Variants in SAMD4A observed in about 807,000 individuals in gnomAD.
SAMD4A encodes sterile alpha motif domain containing 4A.
In SAMD4A, 33 loss-of-function variants were observed where a neutral mutation model predicts 81.3. The ratio of observed to expected loss-of-function variants is 0.41; its 90% CI spans 0.31 to 0.54. The LOEUF (loss-of-function observed/expected upper bound fraction) is 0.54. SAMD4A is among the 20% of genes least tolerant of loss of function. SAMD4A has a pLI of 0.37. For missense variants in SAMD4A, 854 were observed against 951.1 expected, an observed-to-expected ratio of 0.90 and a Z score of 1.34; for synonymous variants, 389 against 382.1, an observed-to-expected ratio of 1.02 and a Z score of -0.21.
intron 11 of SAMD4A, among the ~76,000 whole-genome samples, chr14:54,779,522 A>C (rs2038945646): frequency 2.6e-5 from 4 of 152,168 alleles, no homozygotes. Flanking sequence ...TCATACAGAG[A>C]AGACAGAGGG....
intron 5 of SAMD4A, among the ~76,000 whole-genome samples, chr14:54,749,890 G>A (rs992743501): frequency 6.6e-6 from 1 of 152,204 alleles, no homozygotes; most frequent in Non-Finnish European, 1.5e-5. Context: ...CCTCCCCGCA[G>A]ATCACCAGTT....
At chr14:54,650,404 G>A (rs977914730) in intron 2 of SAMD4A, among the ~76,000 whole-genome samples, 11 of 152,116 alleles carry the variant, frequency 7.2e-5, no homozygotes, top group Admixed American at 1.3e-4. Flanking sequence ...TGCATTTGTT[G>A]GAATGGCCCA....
intron 3 of SAMD4A, among the ~76,000 whole-genome samples, chr14:54,709,298 CAAAA>C (rs988222051): frequency 7.6e-6 from 1 of 131,250 alleles, no homozygotes; most frequent in Non-Finnish European, 1.5e-5. Flanking sequence ...AACAAACAAA[CAAAA>C]AACAGAAGAA....
Position 54,590,986 on chromosome 14 carries a change from T to G in SAMD4A, c.196+22874T>G, listed in dbSNP as rs193112167. Among the ~76,000 whole-genome samples, 3 of 152,324 alleles carry G rather than the reference T, an allele frequency of 2.0e-5. No homozygotes were observed. In the East Asian group the frequency reaches 5.8e-4, roughly 29 times the overall value. On this transcript the variant is annotated intron_variant, in intron 2 of 12. Transcript: ENST00000554335. ...ATCAGAGTTTCTTATCTCAGACTTT[T>G]CCCCTCAATTGCTGAAGCAGCTTGT...
At chr14:54,775,445 G>A (rs2038818187) in intron 10 of SAMD4A, among the ~76,000 whole-genome samples, 1 of 152,204 alleles carries the variant, frequency 6.6e-6, no homozygotes, top group Admixed American at 6.5e-5. Flanking sequence ...ACCCAAATCT[G>A]GGTTCCAGGA....
intron 11 of SAMD4A, among the ~76,000 whole-genome samples, chr14:54,778,786 C>T (rs2038927017): frequency 6.6e-6 from 1 of 152,110 alleles, no homozygotes; most frequent in Non-Finnish European, 1.5e-5. Flanking sequence ...TAAGTCCTGC[C>T]CAGCACGCTC....
At chr14:54,702,755 G>A in intron 3 of SAMD4A, 175 bp downstream of exon 3, 1 of 731,540 alleles carries the variant, frequency 1.4e-6, no homozygotes, top group Non-Finnish European at 2.2e-6. Context: ...CTTTGACTCT[G>A]CAAAGATGAA....
intron 5 of SAMD4A, among the ~76,000 whole-genome samples, chr14:54,750,228 T>G (rs1166555623): frequency 6.6e-6 from 1 of 152,202 alleles, no homozygotes; most frequent in Non-Finnish European, 1.5e-5. Flanking sequence ...TCAGAGTAAT[T>G]TAATTCACTA....
chr14:54,649,878 T>C (rs1463180656), intron 2 of SAMD4A, among the ~76,000 whole-genome samples: 1 of 152,266 alleles, frequency 6.6e-6, no homozygotes, highest in Non-Finnish European at 1.5e-5. Flanking sequence ...ACATGTCATA[T>C]TTCATATTTT....
At chr14:54,786,529 G>A (rs1184615330) in intron 12 of SAMD4A, among the ~76,000 whole-genome samples, 1 of 152,234 alleles carries the variant, frequency 6.6e-6, no homozygotes, top group Non-Finnish European at 1.5e-5. Context: ...AGTCCCCTGA[G>A]CTGGCACCTG....
At chr14:54,730,941 C>T (rs1443630887) in intron 3 of SAMD4A, among the ~76,000 whole-genome samples, 2 of 152,150 alleles carry the variant, frequency 1.3e-5, no homozygotes, top group Non-Finnish European at 1.5e-5. Flanking sequence ...ATCATTTCAC[C>T]ACTGAGCCTT....
rs184720135 is a variant in SAMD4A at position 54,595,083 on chromosome 14, C to T, written c.196+26971C>T. On this transcript the variant is annotated intron_variant, in intron 2 of 12. Coordinates refer to ENST00000554335, the MANE Select transcript of SAMD4A (RefSeq NM_015589.6). The stretch of plus-strand genomic sequence containing the variant: ...ACAAACTTATAAAACTTGCCCCTGT[C>T]GTTCTTTGGTGTGTCGCAAATGCTT... Among the ~76,000 whole-genome samples, 628 of 152,292 alleles carry T rather than the reference C, an allele frequency of 4.1e-3. 6 individuals carry two copies. The highest frequency in any genetic ancestry group is 0.014 in the African/African-American group (567 of 41,554).
At position 54,702,272 on chromosome 14, in the gene SAMD4A, C is replaced by T. The variant is rs760281497; in HGVS notation, c.407C>T (p.Ser136Leu). 143 of 1,614,052 alleles carry T rather than the reference C, an allele frequency of 8.9e-5. 1 individual carries two copies. Among genetic ancestry groups the T allele is most frequent in the Non-Finnish European group, 1.1e-4 (131 of 1,180,020 alleles). Residue 136 changes from serine (S) to leucine (L), a missense_variant, in exon 3 of 13, where the codon TCG becomes TTG. Ser to Leu is a moderately radical substitution (Grantham distance 145, BLOSUM62 -2). Coordinates refer to ENST00000554335, the MANE Select transcript of SAMD4A (RefSeq NM_015589.6). ...LSYALIHPAT[S>L]LEDRSALAMW... Reference sequence around the variant, plus strand: ...TATGCTTTGATACATCCAGCCACTTCGTTAGAAGACCGTAGTGCTTTAGCC... The same window carrying T: ...TATGCTTTGATACATCCAGCCACTTTGTTAGAAGACCGTAGTGCTTTAGCC...
chr14:54,568,383 G>T (rs1172680259), intron 2 of SAMD4A, among the ~76,000 whole-genome samples: 2 of 151,864 alleles, frequency 1.3e-5, no homozygotes, highest in Non-Finnish European at 2.9e-5. Flanking sequence ...ATGAATGATT[G>T]ATTTTTCTCT....
chr14:54,604,919 T>G (rs1436947796), intron 2 of SAMD4A, among the ~76,000 whole-genome samples: 1 of 152,220 alleles, frequency 6.6e-6, no homozygotes, highest in African/African-American at 2.4e-5. Context: ...TTTAACTTAT[T>G]GGATTTGTGC....
intron 6 of SAMD4A, among the ~76,000 whole-genome samples, chr14:54,753,514 C>A (rs1326792093): frequency 1.3e-5 from 2 of 152,216 alleles, no homozygotes; most frequent in Non-Finnish European, 2.9e-5. Flanking sequence ...AACAACATCT[C>A]AGCAAAGCAA....
chr14:54,571,807 G>A (rs937665303), intron 2 of SAMD4A, among the ~76,000 whole-genome samples: 1 of 152,110 alleles, frequency 6.6e-6, no homozygotes, highest in African/African-American at 2.4e-5. Flanking sequence ...GTGTATTGGA[G>A]GTAACATATT....
chr14:54,682,519 C>T (rs1463722321), intron 2 of SAMD4A, among the ~76,000 whole-genome samples: 1 of 152,232 alleles, frequency 6.6e-6, no homozygotes, highest in Non-Finnish European at 1.5e-5. Flanking sequence ...TGACATTTCC[C>T]AGTTCCTGAT....
At chr14:54,637,466 G>A (rs1483115407) in intron 2 of SAMD4A, among the ~76,000 whole-genome samples, 2 of 152,048 alleles carry the variant, frequency 1.3e-5, no homozygotes, top group Non-Finnish European at 2.9e-5. Flanking sequence ...CCAGGAGAGG[G>A]TGGAGCTCTA....
Sources: allele counts gnomAD v4.1 joint callset (sites outside exome capture counted in the v4.1 genomes callset), GRCh38; gene constraint gnomAD v4.1.1; transcripts MANE v1.5; gene names NCBI Gene and HGNC (gene_info 2026-07-23, HGNC 2026-07-21).